ACER2: variants seen among roughly 807,000 people sequenced by gnomAD.
The protein encoded by ACER2 is alkCDase 2.
In ACER2, 26 loss-of-function variants were observed where a neutral mutation model predicts 34.7. That is an observed-to-expected ratio of 0.75 (90% CI 0.55 to 1.04). ACER2 has a LOEUF of 1.04. ACER2 is among the 50% of genes least tolerant of loss of function. The pLI, the probability that ACER2 is intolerant of heterozygous loss-of-function variation, is 0.00. For synonymous variants in ACER2, 138 were observed against 132.1 expected (o/e 1.04, Z -0.31); for missense variants, 352 against 340.8 (o/e 1.03, Z -0.26).
chr9:19,436,768 C>G (rs1322970692), intron 4 of ACER2, among the ~76,000 whole-genome samples: 1 of 152,116 alleles, frequency 6.6e-6, no homozygotes, highest in African/African-American at 2.4e-5. Flanking sequence ...TAGGTTGTTT[C>G]CAGTTTTTCA....
At chr9:19,411,190 A>G (rs1830075511) in intron 1 of ACER2, among the ~76,000 whole-genome samples, 1 of 152,142 alleles carries the variant, frequency 6.6e-6, no homozygotes, top group Non-Finnish European at 1.5e-5. Context: ...CTAACTGTTG[A>G]TCTTCAGCTG....
chr9:19,414,793 C>T (rs1012889401), intron 1 of ACER2, among the ~76,000 whole-genome samples: 2 of 150,982 alleles, frequency 1.3e-5, no homozygotes, highest in African/African-American at 2.4e-5. Flanking sequence ...ATGCAGTGAG[C>T]CAAGATCGCG....
At position 19,431,285 on chromosome 9, in the gene ACER2, A is replaced by G. The variant is rs182184238; in HGVS notation, c.366-3662A>G. 1.2e-4 allele frequency among the ~76,000 whole-genome samples: 18 copies of G among 152,296 alleles called. No individual in the cohort carries two copies. The East Asian group carries it at 3.5e-3, about 29-fold the overall frequency. ...CTTAATTTTTATGTGGGAAAGGCTC[A>G]AAGAGTTGAGTTACTTGCCAAAGGT... On this transcript the variant is annotated intron_variant, in intron 3 of 5. Coordinates refer to ENST00000340967, the MANE Select transcript of ACER2 (RefSeq NM_001010887.3).
Position 19,446,113 on chromosome 9 carries a change from T to C in ACER2, c.504-168T>C, listed in dbSNP as rs1245413986. The C allele has an allele frequency of 4.1e-6, 4 of 977,688 alleles. No homozygotes were observed. In the Admixed American group the frequency reaches 5.1e-5, roughly 12 times the overall value. 60.6% of individuals were successfully genotyped at this position (977,688 alleles called of 1,614,324 possible). ...TGTCTGTGAGCCATCTGTGTACATA[T>C]GGTATTTACATCCATGAGACTGTGG... On this transcript the variant is annotated intron_variant, in intron 4 of 5. Coordinates refer to ENST00000340967, the MANE Select transcript of ACER2 (RefSeq NM_001010887.3).
intron 3 of ACER2, among the ~76,000 whole-genome samples, chr9:19,426,358 TTCTCTCTCTCTCTCTC>T (rs59963606): frequency 9.3e-5 from 11 of 118,314 alleles, no homozygotes; most frequent in Non-Finnish European, 1.7e-4. Context: ...CTCCCTCTCT[TTCTCTCTCTCTCTCTC>T]TCTCTCTCTC....
chr9:19,426,651 T>C (rs990214161), intron 3 of ACER2, among the ~76,000 whole-genome samples: 1 of 152,216 alleles, frequency 6.6e-6, no homozygotes, highest in African/African-American at 2.4e-5. Flanking sequence ...GTATTCCTTA[T>C]AGAAAACCTT....
intron 3 of ACER2, among the ~76,000 whole-genome samples, chr9:19,433,190 T>G (rs1589052430): frequency 8.3e-6 from 1 of 120,014 alleles, no homozygotes; most frequent in South Asian, 3.0e-4. Flanking sequence ...CATTCTTGGG[T>G]GTTTCTCACA....
intron 1 of ACER2, among the ~76,000 whole-genome samples, chr9:19,414,016 G>A (rs1830165110): frequency 6.6e-6 from 1 of 152,216 alleles, no homozygotes; most frequent in Admixed American, 6.5e-5. Context: ...ACAAGCCGCT[G>A]AGGGTGTTTT....
At chr9:19,410,899 A>G (rs1313531712) in intron 1 of ACER2, among the ~76,000 whole-genome samples, 1 of 152,214 alleles carries the variant, frequency 6.6e-6, no homozygotes, top group Non-Finnish European at 1.5e-5. Flanking sequence ...GTAAATAAAG[A>G]ATATAGTGAA....
intron 3 of ACER2, 98 bp downstream of exon 3, chr9:19,424,939 C>T (rs1049478064): frequency 6.9e-7 from 1 of 1,447,876 alleles, no homozygotes; most frequent in South Asian, 1.3e-5. Flanking sequence ...TGAACTCAGC[C>T]TAGTGATGAG....
chr9:19,425,077 C>T (rs545329122), intron 3 of ACER2, among the ~76,000 whole-genome samples: 1 of 152,288 alleles, frequency 6.6e-6, no homozygotes, highest in Non-Finnish European at 1.5e-5. Flanking sequence ...AAGTACATCA[C>T]CTCTCTGTAC....
intron 4 of ACER2, among the ~76,000 whole-genome samples, chr9:19,442,386 C>G (rs1831183532): frequency 6.6e-6 from 1 of 152,182 alleles, no homozygotes; most frequent in Non-Finnish European, 1.5e-5. Flanking sequence ...GGGAGTGAAA[C>G]CTAATGGACC....
intron 4 of ACER2, among the ~76,000 whole-genome samples, chr9:19,440,648 G>T (rs1563889049): frequency 6.6e-6 from 1 of 152,126 alleles, no homozygotes; most frequent in East Asian, 1.9e-4. Flanking sequence ...CAGCCACCCA[G>T]TATACAATGT....
At position 19,450,417 on chromosome 9, in the gene ACER2, C is replaced by A; in HGVS notation, c.642-33C>A. On this transcript the variant is annotated intron_variant, in intron 5 of 5. Coordinates refer to ENST00000340967, the MANE Select transcript of ACER2 (RefSeq NM_001010887.3). ...CTCAGGGCAGCGGAGTCTTCATGCTCATCAGGTTCTCACCTCTTGTCTCCC... is the reference window on the plus strand; with the variant it reads ...CTCAGGGCAGCGGAGTCTTCATGCTAATCAGGTTCTCACCTCTTGTCTCCC... The A allele has an allele frequency of 1.9e-6, 3 of 1,551,324 alleles. No individual in the cohort carries two copies. The South Asian group carries it at 3.6e-5, about 19-fold the overall frequency.
chr9:19,433,927 C>T (rs144152553), intron 3 of ACER2, among the ~76,000 whole-genome samples: 6,902 of 150,430 alleles, frequency 0.046, 367 homozygotes, highest in African/African-American at 0.13. Flanking sequence ...TCCTCCAGGA[C>T]GGGGCGGCTG....
chr9:19,436,041 T>C (rs893034682), intron 4 of ACER2, among the ~76,000 whole-genome samples: 1 of 151,874 alleles, frequency 6.6e-6, no homozygotes, highest in South Asian at 2.1e-4. Context: ...AGAGCGAGAC[T>C]CTATCTCAAA....
Position 19,451,667 on chromosome 9 carries a change from T to C in ACER2, c.*1031T>C, listed in dbSNP as rs1317902933. ...TCTACAGAGAAGAAGAATTATGGCA[T>C]GAACATTCCCACAGACCCACCATCT... is the stretch of plus-strand genomic sequence containing the variant. On this transcript the variant is annotated 3_prime_UTR_variant, in exon 6 of 6. Coordinates refer to ENST00000340967, the MANE Select transcript of ACER2 (RefSeq NM_001010887.3). 1 of 152,240 alleles carries C rather than the reference T, an allele frequency of 6.6e-6. No homozygotes were observed. Among genetic ancestry groups the C allele is most frequent in the African/African-American group, 2.4e-5 (1 of 41,454 alleles). 9.4% of individuals were successfully genotyped at this position (152,240 alleles called of 1,614,324 possible). A position where few individuals can be genotyped will look rare whatever the true frequency, so the allele number is the denominator to read the frequency against.
At chr9:19,426,962 C>T (rs1830590453) in intron 3 of ACER2, among the ~76,000 whole-genome samples, 1 of 152,170 alleles carries the variant, frequency 6.6e-6, no homozygotes, top group Admixed American at 6.5e-5. Context: ...CACCAGCAGC[C>T]TGCAGCATTT....
rs1390239593 is a variant in ACER2 at position 19,430,181 on chromosome 9, C to G, written c.366-4766C>G. ...GTGGTTTTCAAGTCTGAAAACAAAG[C>G]TTTACTTTGGTTAAAAGGGACACAG... On this transcript the variant is annotated intron_variant, in intron 3 of 5. Coordinates refer to ENST00000340967, the MANE Select transcript of ACER2 (RefSeq NM_001010887.3). Among the ~76,000 whole-genome samples, 2 of 142,816 alleles carry G rather than the reference C, an allele frequency of 1.4e-5. 1 individual carries two copies. The highest frequency in any genetic ancestry group is 5.2e-4 in the South Asian group (2 of 3,830). The allele number at this position is 142,816 out of a possible 152,430, so 93.7% of individuals were successfully genotyped here.
Sources: gnomAD v4.1 joint callset for allele counts (sites outside exome capture counted in the v4.1 genomes callset) on GRCh38, gnomAD v4.1.1 for gene constraint, MANE v1.5 for transcripts, NCBI Gene and HGNC (gene_info 2026-07-23, HGNC 2026-07-21) for gene names.